NPAS2: variants seen among roughly 807,000 people sequenced by gnomAD.
The protein encoded by NPAS2 is neuronal PAS domain protein 2, also known as neuronal PAS domain-containing protein 2.
In NPAS2, 23 loss-of-function variants were observed where a neutral mutation model predicts 107.5. The observed-to-expected ratio is 0.21, with a 90% CI of 0.15 to 0.30. The LOEUF is 0.30. Among genes scored for constraint, NPAS2 ranks in the 10% least tolerant of loss-of-function variants. The probability of loss-of-function intolerance (pLI) is 1.00; values close to 1 mark genes in which losing one functional copy is unlikely to be tolerated. For missense variants in NPAS2, 756 were observed against 1,043.3 expected, an observed-to-expected ratio of 0.72 and a Z score of 3.79; for synonymous variants, 403 against 417.5, an observed-to-expected ratio of 0.97 and a Z score of 0.42.
intron 20 of NPAS2, 28 bp downstream of exon 20, chr2:100,993,555 G>T (rs758209275): frequency 1.3e-6 from 2 of 1,482,916 alleles, no homozygotes; most frequent in Admixed American, 2.5e-5. Flanking sequence ...GGGGGCCCCC[G>T]TGCAGGCCTG....
intron 15 of NPAS2, 142 bp downstream of exon 15, chr2:100,977,941 C>A: frequency 2.9e-6 from 2 of 691,980 alleles, no homozygotes; most frequent in Non-Finnish European, 5.0e-6. Context: ...TGGCCTGTGT[C>A]GAGCCATGAG....
chr2:100,971,645 G>A (rs1029323703), intron 12 of NPAS2, among the ~76,000 whole-genome samples: 3 of 152,118 alleles, frequency 2.0e-5, no homozygotes, highest in South Asian at 2.1e-4. Context: ...CTGGGTCAGC[G>A]AGCCCTGCTG....
intron 3 of NPAS2, among the ~76,000 whole-genome samples, 182 bp from the exon 4 acceptor site, chr2:100,932,728 T>A (rs1684040018): frequency 6.6e-6 from 1 of 151,422 alleles, no homozygotes; most frequent in African/African-American, 2.5e-5. Context: ...TTAAGGGAGA[T>A]GAGAACATCC....
intron 2 of NPAS2, among the ~76,000 whole-genome samples, chr2:100,912,808 G>A (rs1027315335): frequency 2.6e-5 from 4 of 152,206 alleles, no homozygotes; most frequent in Non-Finnish European, 5.9e-5. Flanking sequence ...TATTCATCAG[G>A]AGCCAGCCTC....
At chr2:100,835,531 A>T (rs1222498428) in intron 1 of NPAS2, among the ~76,000 whole-genome samples, 1 of 152,192 alleles carries the variant, frequency 6.6e-6, no homozygotes, top group Non-Finnish European at 1.5e-5. Context: ...GCTTGCAGGA[A>T]AATCTTTTTT....
In NPAS2 at chr2:100,977,736, C is replaced by T. The variant is rs1208146381; in HGVS notation, c.1419C>T (p.Cys473=). 5.0e-6 allele frequency: 8 copies of T among 1,614,168 alleles called. No individual in the cohort carries two copies. The highest frequency in any genetic ancestry group is 5.1e-6 in the Non-Finnish European group (6 of 1,180,010). The change falls in exon 15 of 21, where the codon TGC becomes TGT. Residue 473 remains cysteine (C), a synonymous_variant. Transcript: ENST00000335681. ...MPAPLPSPSS[C]DLTQQLLPQT... is the part of the protein sequence containing the mutation. ...CCCCTCTGCCTTCCCCATCGTCCTG[C>T]GACCTCACACAGCAGCTCCTGCCTC... is the stretch of plus-strand genomic sequence containing the variant.
In NPAS2 at chr2:100,974,882, C is replaced by T. The variant is rs375669635; in HGVS notation, c.1220C>T (p.Ser407Leu). Residue 407 changes from serine (S) to leucine (L), a missense_variant, in exon 13 of 21, where the codon TCG (serine) becomes TTG (leucine). Physicochemically the swap from Ser to Leu is moderately radical, Grantham distance 145. This residue lies in a region of NPAS2 where 496 missense variants were observed against 594.4 expected (regional missense o/e 0.83). Coordinates refer to ENST00000335681, the MANE Select transcript of NPAS2 (RefSeq NM_002518.4). Reference sequence around the variant, plus strand: ...GCCTCGGGCCTTAATACCAGTCATTCGCCATCGGCGTCCTCAAGAAGTTCC... The same window carrying T: ...GCCTCGGGCCTTAATACCAGTCATTTGCCATCGGCGTCCTCAAGAAGTTCC... ...VGASGLNTSHSPSASSRSSHK... is the reference protein window; with the variant it reads ...VGASGLNTSHLPSASSRSSHK... 12 of 1,613,984 alleles carry T rather than the reference C, an allele frequency of 7.4e-6. No homozygotes were observed. Among genetic ancestry groups the T allele is most frequent in the South Asian group, 1.1e-5 (1 of 91,092 alleles).
intron 4 of NPAS2, among the ~76,000 whole-genome samples, chr2:100,937,486 A>G (rs1230457757): frequency 6.6e-6 from 1 of 152,204 alleles, no homozygotes. Flanking sequence ...GGGAATTTCC[A>G]TGGCTAAATG....
chr2:100,922,447 G>A (rs1466860843), intron 2 of NPAS2, among the ~76,000 whole-genome samples: 1 of 152,104 alleles, frequency 6.6e-6, no homozygotes, highest in African/African-American at 2.4e-5. Context: ...GCCGGGTGTG[G>A]TGGTGCATGC....
chr2:100,913,680 C>T (rs1296701649), intron 2 of NPAS2, among the ~76,000 whole-genome samples: 1 of 152,152 alleles, frequency 6.6e-6, no homozygotes, highest in Non-Finnish European at 1.5e-5. Flanking sequence ...CATTCCTGAT[C>T]CAGCTCACAG....
At chr2:100,914,144 G>A (rs1682723430) in intron 2 of NPAS2, among the ~76,000 whole-genome samples, 1 of 152,170 alleles carries the variant, frequency 6.6e-6, no homozygotes, top group African/African-American at 2.4e-5. Flanking sequence ...TCCACCTGTG[G>A]GAGAAACCCA....
intron 2 of NPAS2, among the ~76,000 whole-genome samples, chr2:100,915,770 G>T (rs1019283658): frequency 6.6e-6 from 1 of 152,232 alleles, no homozygotes; most frequent in East Asian, 1.9e-4. Flanking sequence ...CAAGAGACCT[G>T]CTCTGAGAGA....
At chr2:100,944,624 A>G (rs766415430) in intron 5 of NPAS2, among the ~76,000 whole-genome samples, 5 of 152,224 alleles carry the variant, frequency 3.3e-5, no homozygotes, top group Non-Finnish European at 7.3e-5. Context: ...TAAAAATTTC[A>G]AGTTATCATT....
intron 1 of NPAS2, among the ~76,000 whole-genome samples, chr2:100,845,547 C>T (rs748668593): frequency 2.0e-5 from 3 of 152,214 alleles, no homozygotes; most frequent in African/African-American, 4.8e-5. Context: ...ACTACATGCA[C>T]TCAGGCACCC....
At chr2:100,979,503 T>TATATATATATATATATA (rs1491089539) in intron 15 of NPAS2, among the ~76,000 whole-genome samples, 3 of 39,580 alleles carry the variant, frequency 7.6e-5, no homozygotes, top group South Asian at 1.2e-3. Context: ...TATATATATA[T>TATATATATATATATATA]TTTTTTTTTT....
chr2:100,894,071 C>T (rs1681254314), intron 1 of NPAS2, among the ~76,000 whole-genome samples: 1 of 152,224 alleles, frequency 6.6e-6, no homozygotes, highest in South Asian at 2.1e-4. Context: ...TATGCCGTGA[C>T]AAAATAATCC....
intron 17 of NPAS2, chr2:100,990,049 A>G (rs6726870): frequency 0.64 from 368,111 of 579,468 alleles, 119,369 homozygotes; most frequent in Middle Eastern, 0.7. Context: ...TTGCCTGCCT[A>G]GAGTCCGGCA....
intron 1 of NPAS2, among the ~76,000 whole-genome samples, chr2:100,863,067 C>T (rs561384268): frequency 6.6e-6 from 1 of 152,334 alleles, no homozygotes; most frequent in South Asian, 2.1e-4. Context: ...GCCACCATGG[C>T]AGTCACCTAT....
At chr2:100,925,394 C>A in intron 3 of NPAS2, 100 bp downstream of exon 3, 1 of 1,271,004 alleles carries the variant, frequency 7.9e-7, no homozygotes, top group Non-Finnish European at 1.1e-6. Flanking sequence ...GTCTCCCCAG[C>A]CAGGCCCAGC....
Sources: gnomAD v4.1 joint callset for allele counts (sites outside exome capture counted in the v4.1 genomes callset) on GRCh38, gnomAD v4.1.1 for gene constraint, gnomAD v4.1.1 regional missense constraint, MANE v1.5 for transcripts, NCBI Gene and HGNC (gene_info 2026-07-23, HGNC 2026-07-21) for gene names.